The following XRCC6 variants were observed in gnomAD, a reference collection of about 807,000 sequenced individuals.
The protein encoded by XRCC6 is DNA repair protein Ku70.
In XRCC6, 5 loss-of-function variants were observed where a neutral mutation model predicts 65.7. The observed-to-expected ratio is 0.08, with a 90% CI of 0.04 to 0.16. XRCC6 has a LOEUF of 0.16. Ranked by LOEUF, XRCC6 falls within the 10% of genes least tolerant of loss-of-function variation. The probability of loss-of-function intolerance (pLI) is 1.00; values close to 1 mark genes in which losing one functional copy is unlikely to be tolerated. For missense variants in XRCC6, 447 were observed against 738.1 expected, an observed-to-expected ratio of 0.61 and a Z score of 4.57; for synonymous variants, 270 against 270.6, an observed-to-expected ratio of 1.00 and a Z score of 0.02.
chr22:41,625,364 G>A (rs1169188914), intron 2 of XRCC6, among the ~76,000 whole-genome samples: 2 of 151,988 alleles, frequency 1.3e-5, no homozygotes, highest in Non-Finnish European at 2.9e-5. Context: ...AGTGGCTCAC[G>A]GCTGTAATCT....
rs1157059821 is a variant in XRCC6 at position 41,621,364 on chromosome 22, A to G, written c.-16+19A>G. The G allele has an allele frequency of 2.3e-5, 4 of 170,520 alleles. No homozygotes were observed. In the South Asian group the frequency reaches 3.8e-4, roughly 16 times the overall value. 10.6% of individuals were successfully genotyped at this position (170,520 alleles called of 1,614,324 possible). A position where few individuals can be genotyped will look rare whatever the true frequency, so the allele number is the denominator to read the frequency against. On this transcript the variant is annotated intron_variant, in intron 1 of 12. Transcript: ENST00000360079. Reference sequence around the variant, plus strand: ...GCCAAAGGTAAGCGGGCCGTTATCCATTTGTGTTGTTCGCCAGCTAGGCCT... The same window carrying G: ...GCCAAAGGTAAGCGGGCCGTTATCCGTTTGTGTTGTTCGCCAGCTAGGCCT...
At chr22:41,652,772 C>G (rs1002958176) in intron 8 of XRCC6, among the ~76,000 whole-genome samples, 8 of 152,280 alleles carry the variant, frequency 5.3e-5, no homozygotes, top group Admixed American at 4.6e-4. Context: ...CTCCTGAATT[C>G]AAGCGATTCT....
chr22:41,639,667 C>T (rs201877436), intron 6 of XRCC6, among the ~76,000 whole-genome samples: 8 of 81,044 alleles, frequency 9.9e-5, no homozygotes, highest in East Asian at 4.6e-4. Context: ...GATTCTCTCT[C>T]TTTTTTTTTT....
intron 6 of XRCC6, among the ~76,000 whole-genome samples, chr22:41,646,176 G>A (rs1007892126): frequency 2.6e-5 from 4 of 152,150 alleles, no homozygotes; most frequent in African/African-American, 9.6e-5. Context: ...CGTGGCAGGT[G>A]CCTGTAATCC....
chr22:41,633,978 T>A (rs910694103), intron 3 of XRCC6, among the ~76,000 whole-genome samples: 1 of 152,222 alleles, frequency 6.6e-6, no homozygotes, highest in African/African-American at 2.4e-5. Flanking sequence ...CAGATTCTTT[T>A]AAAAGTTTGT....
At chr22:41,655,731 C>CT (rs2068038943) in intron 9 of XRCC6, among the ~76,000 whole-genome samples, 3 of 150,538 alleles carry the variant, frequency 2.0e-5, no homozygotes, top group Non-Finnish European at 4.4e-5. Flanking sequence ...TCCCCCCCTT[C>CT]TTTTTTTACA....
At chr22:41,661,486 T>G (rs2147120015) in intron 12 of XRCC6, 42 bp downstream of exon 12, 1 of 1,559,886 alleles carries the variant, frequency 6.4e-7, no homozygotes, top group East Asian at 2.2e-5. Flanking sequence ...TTTTAAAAAT[T>G]GCTTTTATGA....
chr22:41,639,977 A>G (rs1380041928), intron 6 of XRCC6, among the ~76,000 whole-genome samples: 1 of 150,932 alleles, frequency 6.6e-6, no homozygotes, highest in African/African-American at 2.5e-5. Flanking sequence ...TTTTTTTTAG[A>G]GAGCCTTGAT....
At chr22:41,634,779 G>A (rs1021639365) in intron 3 of XRCC6, among the ~76,000 whole-genome samples, 2 of 151,850 alleles carry the variant, frequency 1.3e-5, no homozygotes, top group African/African-American at 4.8e-5. Flanking sequence ...TCCTGACCTC[G>A]TCATCTGCTC....
intron 6 of XRCC6, 77 bp downstream of exon 6, chr22:41,637,868 T>C: frequency 6.8e-7 from 1 of 1,467,976 alleles, no homozygotes; most frequent in East Asian, 2.5e-5. Context: ...CTCACACCTG[T>C]AATCCCAACA....
chr22:41,647,178 A>C (rs2067940939), intron 7 of XRCC6, 96 bp downstream of exon 7: 1 of 1,328,130 alleles, frequency 7.5e-7, no homozygotes, highest in African/African-American at 1.5e-5. Flanking sequence ...GACTCGCTAC[A>C]GCCTTGACCT....
In XRCC6 at chr22:41,636,608, C is replaced by G. The variant is rs775971407; in HGVS notation, c.427C>G (p.Leu143Val). 7 of 1,614,078 alleles carry G rather than the reference C, an allele frequency of 4.3e-6. No homozygotes were observed. In the East Asian group the frequency reaches 1.3e-4, roughly 31 times the overall value. ...DMMGHGSDYS[L>V]SEVLWVCANL... ...GATGGGCCACGGATCTGACTACTCA[C>G]TCAGTGAAGTGCTGTGGGTCTGTGC... The change falls in exon 5 of 13, where the codon CTC becomes GTC. Residue 143 changes from leucine (L) to valine (V), a missense_variant. Leu to Val is a conservative substitution (Grantham distance 32, BLOSUM62 1). Coordinates refer to ENST00000360079, the MANE Select transcript of XRCC6 (RefSeq NM_001469.5).
Position 41,658,370 on chromosome 22 carries a change from A to G in XRCC6, c.1522+18A>G. 6.2e-7 allele frequency: 1 copy of G among 1,612,126 alleles called. No individual in the cohort carries two copies. Among genetic ancestry groups the G allele is most frequent in the Non-Finnish European group, 8.5e-7 (1 of 1,178,306 alleles). ...CCTGACATGTAAGGAGGTTGAATAG[A>G]GTAGTTCTTTTCATGGGAGGCTTTC... On this transcript the variant is annotated intron_variant, in intron 11 of 12. Coordinates refer to ENST00000360079, the MANE Select transcript of XRCC6 (RefSeq NM_001469.5).
chr22:41,625,897 T>C (rs1053074767), intron 2 of XRCC6, among the ~76,000 whole-genome samples: 21 of 152,208 alleles, frequency 1.4e-4, no homozygotes, highest in African/African-American at 4.6e-4. Flanking sequence ...TGGAGTGCAG[T>C]GACTAATCTC....
rs779897731 is a variant in XRCC6 at position 41,647,095 on chromosome 22, G to A, written c.960+13G>A. 6.2e-7 allele frequency: 1 copy of A among 1,611,364 alleles called. No homozygotes were observed. Among genetic ancestry groups the A allele is most frequent in the South Asian group, 1.1e-5 (1 of 90,994 alleles). The stretch of plus-strand genomic sequence containing the variant: ...CAAGAGGTCTCAGGTAGGTAGAGAT[G>A]CCTTTTGTTGTTGTTGTTTTTGAGA... On this transcript the variant is annotated intron_variant, in intron 7 of 12. Coordinates refer to ENST00000360079, the MANE Select transcript of XRCC6 (RefSeq NM_001469.5).
intron 7 of XRCC6, among the ~76,000 whole-genome samples, chr22:41,648,996 T>C (rs1169710901): frequency 4.8e-5 from 2 of 41,272 alleles, no homozygotes; most frequent in Non-Finnish European, 4.7e-5. Flanking sequence ...CATGCACTTT[T>C]GGAGGCTGAA....
chr22:41,658,603 A>T (rs5996046), intron 11 of XRCC6, among the ~76,000 whole-genome samples: 8 of 152,280 alleles, frequency 5.3e-5, no homozygotes, highest in African/African-American at 1.9e-4. Context: ...CTGTGACTAC[A>T]TGCTGGTGAA....
intron 5 of XRCC6, among the ~76,000 whole-genome samples, chr22:41,637,323 G>T (rs747084555): frequency 2.0e-5 from 3 of 152,088 alleles, no homozygotes; most frequent in Non-Finnish European, 2.9e-5. Context: ...GACCTCAGAT[G>T]ATCCACCACC....
At chr22:41,655,888 C>CA (rs1351888130) in intron 9 of XRCC6, among the ~76,000 whole-genome samples, 4 of 151,708 alleles carry the variant, frequency 2.6e-5, no homozygotes, top group Non-Finnish European at 4.4e-5. Flanking sequence ...TGTTGCACCT[C>CA]AAACTGTAAA....
Sources: allele counts gnomAD v4.1 joint callset (sites outside exome capture counted in the v4.1 genomes callset), GRCh38; gene constraint gnomAD v4.1.1; transcripts MANE v1.5; gene names NCBI Gene and HGNC (gene_info 2026-07-23, HGNC 2026-07-21).